The following MARS1 variants were observed in gnomAD, a reference collection of about 807,000 sequenced individuals.
MARS1 encodes methionyl-tRNA synthetase 1, also known as methionine--tRNA ligase, cytoplasmic.
In MARS1, 80 loss-of-function variants were observed where a neutral mutation model predicts 119.5. That is an observed-to-expected ratio of 0.67 (90% CI 0.56 to 0.81). MARS1 has a LOEUF of 0.81. MARS1 is among the 30% of genes least tolerant of loss of function. The pLI, the probability that MARS1 is intolerant of heterozygous loss-of-function variation, is 0.00. For synonymous variants in MARS1, 418 were observed against 433.4 expected, an observed-to-expected ratio of 0.96 and a Z score of 0.44; for missense variants, 945 against 1,116.5, an observed-to-expected ratio of 0.85 and a Z score of 2.19.
chr12:57,493,946 A>G (rs1471252052), intron 7 of MARS1, among the ~76,000 whole-genome samples: 2 of 98,786 alleles, frequency 2.0e-5, no homozygotes, highest in African/African-American at 7.9e-5. Context: ...TATTATATAT[A>G]TATTTTTTAA....
At chr12:57,507,949 C>A (rs1237321292) in intron 11 of MARS1, among the ~76,000 whole-genome samples, 1 of 149,288 alleles carries the variant, frequency 6.7e-6, no homozygotes, top group African/African-American at 2.5e-5. Flanking sequence ...TCAGATGGGG[C>A]GGCTGCCGGG....
chr12:57,493,687 T>TA (rs1876295002), intron 7 of MARS1, among the ~76,000 whole-genome samples: 1 of 20,522 alleles, frequency 4.9e-5, no homozygotes, highest in African/African-American at 4.0e-4. Flanking sequence ...TTATATATAA[T>TA]ATATATTATA....
chr12:57,495,582 C>T (rs1247053045), intron 7 of MARS1, among the ~76,000 whole-genome samples: 12 of 152,322 alleles, frequency 7.9e-5, no homozygotes, highest in African/African-American at 2.9e-4. Flanking sequence ...AGACGCTCCT[C>T]ACTTCCCAGA....
chr12:57,494,494 A>ATTTTTTTTTTTTTTT (rs59160934), intron 7 of MARS1, among the ~76,000 whole-genome samples: 2 of 95,488 alleles, frequency 2.1e-5, no homozygotes, highest in Non-Finnish European at 2.1e-5. Context: ...CGCCTGGCTA[A>ATTTTTTTTTTTTTTT]TTTTTTTTTT....
At chr12:57,511,669 A>G (rs1352869467) in intron 11 of MARS1, 29 bp from the exon 12 acceptor site, 2 of 1,612,954 alleles carry the variant, frequency 1.2e-6, no homozygotes, top group Non-Finnish European at 1.7e-6. Context: ...AGACTTTCCT[A>G]AATCAGCCCT....
Position 57,515,968 on chromosome 12 carries a change from A to C in MARS1, c.2440A>C (p.Arg814=). 2 of 1,614,196 alleles carry C rather than the reference A, an allele frequency of 1.2e-6. No individual in the cohort carries two copies. The highest frequency in any genetic ancestry group is 1.7e-6 in the Non-Finnish European group (2 of 1,180,030). Residue 814 remains arginine (R), a synonymous_variant, in exon 19 of 21, where the codon AGG becomes CGG. Coordinates refer to ENST00000262027, the MANE Select transcript of MARS1 (RefSeq NM_004990.4). The part of the protein sequence containing the change: ...KLENDQIESL[R]QRFGGGQAKT... ...GGAAAATGACCAGATTGAAAGTTTA[A>C]GGCAGCGCTTTGGAGGGGGCCAGGT...
At chr12:57,503,151 C>T (rs1219028267) in intron 10 of MARS1, among the ~76,000 whole-genome samples, 4 of 152,134 alleles carry the variant, frequency 2.6e-5, no homozygotes. Flanking sequence ...CTGTTCACTC[C>T]ATTAGCCATC....
intron 14 of MARS1, 110 bp from the exon 15 acceptor site, chr12:57,512,641 T>C: frequency 1.1e-6 from 1 of 893,440 alleles, no homozygotes; most frequent in Non-Finnish European, 1.8e-6. Context: ...GAAATGTTGC[T>C]AGACACCCAT....
intron 11 of MARS1, among the ~76,000 whole-genome samples, chr12:57,507,823 A>G (rs1877287991): frequency 6.9e-6 from 1 of 145,616 alleles, no homozygotes; most frequent in African/African-American, 2.6e-5. Flanking sequence ...TCCCTCCCGG[A>G]CGGGGTGGCT....
chr12:57,496,282 GC>G (rs1343276250), intron 7 of MARS1, among the ~76,000 whole-genome samples: 1 of 151,086 alleles, frequency 6.6e-6, no homozygotes, highest in Non-Finnish European at 1.5e-5. Context: ...TCCTGTCTCA[GC>G]CCCCCGAGTA....
At chr12:57,502,906 A>C (rs1288090021) in intron 10 of MARS1, among the ~76,000 whole-genome samples, 3 of 151,656 alleles carry the variant, frequency 2.0e-5, no homozygotes, top group African/African-American at 7.3e-5. Context: ...CGTGCCTATA[A>C]TCCCAGCTAC....
chr12:57,490,666 G>C, intron 7 of MARS1, 22 bp downstream of exon 7: 1 of 1,602,842 alleles, frequency 6.2e-7, no homozygotes. Flanking sequence ...TGGCACATGT[G>C]AGTGGGGCTT....
intron 19 of MARS1, 103 bp from the exon 20 acceptor site, chr12:57,516,142 A>G (rs372283031): frequency 7.4e-7 from 1 of 1,357,028 alleles, no homozygotes; most frequent in South Asian, 1.2e-5. Context: ...TAACTAGAAG[A>G]GACCTTCGAC....
intron 9 of MARS1, chr12:57,500,064 CAGAT>C: frequency 2.2e-6 from 1 of 463,926 alleles, no homozygotes; most frequent in Non-Finnish European, 4.0e-6. Context: ...AAATACAAAA[CAGAT>C]AAATCTGTGT....
chr12:57,490,390 G>C lies in MARS1; in HGVS notation c.663+11G>C, dbSNP rs76150936. On this transcript the variant is annotated intron_variant, in intron 6 of 20. Coordinates refer to ENST00000262027, the MANE Select transcript of MARS1 (RefSeq NM_004990.4). ...ACCAATGAGCCTGAGGTTTGGAATAGGGCAGAGCCTTGGGGCCTGAGGTGG... is the reference window on the plus strand; with the variant it reads ...ACCAATGAGCCTGAGGTTTGGAATACGGCAGAGCCTTGGGGCCTGAGGTGG... 1.9e-6 allele frequency: 3 copies of C among 1,612,428 alleles called. 1 individual carries two copies. The highest frequency in any genetic ancestry group is 4.5e-5 in the East Asian group (2 of 44,886).
chr12:57,492,937 C>T (rs1279072279), intron 7 of MARS1, among the ~76,000 whole-genome samples: 1 of 152,008 alleles, frequency 6.6e-6, no homozygotes, highest in African/African-American at 2.4e-5. Flanking sequence ...GGGCTGGCAT[C>T]ATACCATTGT....
At chr12:57,516,390 C>CTT (rs758511732) in intron 20 of MARS1, 45 bp from the exon 21 acceptor site, 1 of 1,611,776 alleles carries the variant, frequency 6.2e-7, no homozygotes, top group East Asian at 2.2e-5. Context: ...CTAAATAGAT[C>CTT]TTTTTCTTGC....
At chr12:57,500,563 C>T (rs1244859339) in intron 10 of MARS1, 41 bp downstream of exon 10, 2 of 1,586,352 alleles carry the variant, frequency 1.3e-6, no homozygotes, top group East Asian at 2.2e-5. Flanking sequence ...AGGAGACAGT[C>T]CTTATTCTTA....
At chr12:57,504,182 T>C (rs1482655889) in intron 10 of MARS1, 43 bp from the exon 11 acceptor site, 1 of 1,443,806 alleles carries the variant, frequency 6.9e-7, no homozygotes, top group South Asian at 1.1e-5. Context: ...ACCCCTCCCC[T>C]GGCCTGCAGG....
Sources: allele counts gnomAD v4.1 joint callset (sites outside exome capture counted in the v4.1 genomes callset), GRCh38; gene constraint gnomAD v4.1.1; transcripts MANE v1.5; gene names NCBI Gene and HGNC (gene_info 2026-07-23, HGNC 2026-07-21).